CCDC146: variants seen among roughly 807,000 people sequenced by gnomAD.
The protein encoded by CCDC146 is coiled-coil domain-containing protein 146.
Under a neutral mutation model 119.3 loss-of-function variants are expected in CCDC146, and 92 were observed. That is an observed-to-expected ratio of 0.77 (90% CI 0.65 to 0.92). The LOEUF (loss-of-function observed/expected upper bound fraction) is 0.92. Among genes scored for constraint, CCDC146 ranks in the 40% least tolerant of loss-of-function variants. CCDC146 has a pLI of 0.00. For synonymous variants in CCDC146, 372 were observed against 371.8 expected, an observed-to-expected ratio of 1.00 and a Z score of -0.01; for missense variants, 1,000 against 1,103.0, an observed-to-expected ratio of 0.91 and a Z score of 1.32.
At chr7:77,141,488 C>T (rs781450162) in intron 1 of CCDC146, among the ~76,000 whole-genome samples, 4 of 152,172 alleles carry the variant, frequency 2.6e-5, no homozygotes, top group South Asian at 4.1e-4. Flanking sequence ...CTTGAGGAAT[C>T]GCCACACTGT....
At chr7:77,276,913 G>A (rs552366002) in intron 11 of CCDC146, among the ~76,000 whole-genome samples, 27 of 152,070 alleles carry the variant, frequency 1.8e-4, no homozygotes, top group Admixed American at 9.2e-4. Context: ...TCTACTAAAA[G>A]TACAAAAAAT....
intron 2 of CCDC146, among the ~76,000 whole-genome samples, chr7:77,202,438 G>A (rs1283333927): frequency 1.3e-5 from 2 of 152,172 alleles, no homozygotes; most frequent in Non-Finnish European, 2.9e-5. Flanking sequence ...ATTTTTGGCT[G>A]GTCACACCCC....
chr7:77,292,988 G>A lies in CCDC146; in HGVS notation c.2452G>A (p.Glu818Lys), dbSNP rs755164663. 1 of 1,613,902 alleles carries A rather than the reference G, an allele frequency of 6.2e-7. No homozygotes were observed. The highest frequency in any genetic ancestry group is 2.2e-5 in the East Asian group (1 of 44,854). The change falls in exon 18 of 19, where the codon GAG becomes AAG. Residue 818 changes from glutamate (E) to lysine (K), a missense_variant. By Grantham distance (56) the Glu-to-Lys change is moderately conservative (BLOSUM62 1). Around this residue, in one of 2 missense-constraint regions of CCDC146, gnomAD observed 985 missense variants for 1,045.3 expected, o/e 0.94. Coordinates refer to ENST00000285871, the MANE Select transcript of CCDC146 (RefSeq NM_020879.3). ...TCAAAGAAGGATCAAAAATGCAACT[G>A]AGAAAATGATGGCTCTTGTTGCTGA... ...GYQRRIKNAT[E>K]KMMALVAELS...
At chr7:77,271,521 TATATATATATATA>T (rs1793517383) in intron 9 of CCDC146, among the ~76,000 whole-genome samples, 28 of 18,716 alleles carry the variant, frequency 1.5e-3, no homozygotes, top group African/African-American at 5.0e-3. Flanking sequence ...GAGATATATA[TATATATATATATA>T]TATATATATA....
rs1793858183 is a variant in CCDC146 at position 77,286,880 on chromosome 7, C to T, written c.2231C>T (p.Pro744Leu). The change falls in exon 16 of 19, where the codon CCA becomes CTA. Residue 744 changes from proline (P) to leucine (L), a missense_variant. Physicochemically the swap from Pro to Leu is moderately conservative, Grantham distance 98. Coordinates refer to ENST00000285871, the MANE Select transcript of CCDC146 (RefSeq NM_020879.3). ...PDGENRARFL[P>L]GKDLTEKEMI... ...GGTGAGAATAGAGCTCGCTTCCTTC[C>T]AGGGAAAGATCTGACCGAAAAAGAA... 1.2e-6 allele frequency: 2 copies of T among 1,614,062 alleles called. No homozygotes were observed. Among genetic ancestry groups the T allele is most frequent in the Non-Finnish European group, 1.7e-6 (2 of 1,179,968 alleles).
Position 77,259,046 on chromosome 7 carries a change from G to GA in CCDC146, c.742dup (p.Ile248AsnfsTer24). On this transcript the variant is annotated frameshift_variant, in exon 7 of 19. Transcript: ENST00000285871. LOFTEE classifies it high-confidence loss of function. ...TCCAGTACAAATTGGAAAAGAGATA[G>GA]AAAAAATAACACGCAAAAAAGTGTA... 6.2e-7 allele frequency: 1 copy of GA among 1,610,236 alleles called. No individual in the cohort carries two copies. The highest frequency in any genetic ancestry group is 8.5e-7 in the Non-Finnish European group (1 of 1,177,284).
chr7:77,151,306 G>A (rs1791105596), intron 1 of CCDC146, among the ~76,000 whole-genome samples: 1 of 152,038 alleles, frequency 6.6e-6, no homozygotes, highest in Non-Finnish European at 1.5e-5. Flanking sequence ...TAAAAATTCT[G>A]TTCACAACAG....
intron 2 of CCDC146, among the ~76,000 whole-genome samples, chr7:77,210,849 G>A (rs1792168503): frequency 2.0e-5 from 3 of 152,166 alleles, no homozygotes; most frequent in African/African-American, 2.4e-5. Context: ...AGTGTGAAAG[G>A]GGAGGTGCTA....
intron 2 of CCDC146, among the ~76,000 whole-genome samples, chr7:77,201,924 A>AAT (rs1554351493): frequency 4.5e-4 from 69 of 152,188 alleles, no homozygotes; most frequent in African/African-American, 1.3e-3. Flanking sequence ...TAAAAAAAAA[A>AAT]ACCATTTTGT....
At chr7:77,188,133 T>A (rs1791701240) in intron 2 of CCDC146, among the ~76,000 whole-genome samples, 2 of 152,152 alleles carry the variant, frequency 1.3e-5, no homozygotes, top group Non-Finnish European at 2.9e-5. Flanking sequence ...ACCCCTGGAG[T>A]CTCTGTGAAT....
chr7:77,258,827 C>T (rs181870812), intron 6 of CCDC146, among the ~76,000 whole-genome samples, 168 bp from the exon 7 acceptor site: 27 of 152,336 alleles, frequency 1.8e-4, no homozygotes, highest in Non-Finnish European at 3.8e-4. Flanking sequence ...ACAAATATAG[C>T]TCTCTTACAA....
chr7:77,230,819 C>T (rs537366796), intron 2 of CCDC146, among the ~76,000 whole-genome samples: 1 of 152,156 alleles, frequency 6.6e-6, no homozygotes, highest in South Asian at 2.1e-4. Flanking sequence ...TTCTCTAGTT[C>T]TCCCATTACT....
chr7:77,141,628 G>T (rs1008176031), intron 1 of CCDC146, among the ~76,000 whole-genome samples: 1 of 152,142 alleles, frequency 6.6e-6, no homozygotes, highest in African/African-American at 2.4e-5. Context: ...ACGTGAGATG[G>T]CATCTCGTTG....
chr7:77,247,027 A>C (rs1792962573), intron 4 of CCDC146, among the ~76,000 whole-genome samples: 1 of 152,234 alleles, frequency 6.6e-6, no homozygotes, highest in African/African-American at 2.4e-5. Flanking sequence ...AAAATATTTT[A>C]ATTAAATGTT....
intron 15 of CCDC146, among the ~76,000 whole-genome samples, chr7:77,284,317 C>T (rs892979933): frequency 2.0e-5 from 3 of 152,032 alleles, no homozygotes; most frequent in African/African-American, 7.3e-5. Flanking sequence ...TGTACCACAC[C>T]CTTGCCTAGC....
At position 77,280,442 on chromosome 7, in the gene CCDC146, T is replaced by A. The variant is rs778915477; in HGVS notation, c.1708T>A (p.Ser570Thr). 6.2e-7 allele frequency: 1 copy of A among 1,609,976 alleles called. No individual in the cohort carries two copies. The highest frequency in any genetic ancestry group is 8.5e-7 in the Non-Finnish European group (1 of 1,178,646). Reference sequence around the variant, plus strand: ...TTACTTTAAAAGAAAGCTACAAAATTCCATGCTGAAACACGCCAACAATGT... The same window carrying A: ...TTACTTTAAAAGAAAGCTACAAAATACCATGCTGAAACACGCCAACAATGT... Reference protein sequence around the residue: ...AVSQERKLQNSMLKHANNVTI... With the variant: ...AVSQERKLQNTMLKHANNVTI... The change falls in exon 14 of 19, where the codon TCC (serine) becomes ACC (threonine). Residue 570 changes from serine (S) to threonine (T), a missense_variant. Transcript: ENST00000285871.
At chr7:77,288,782 G>A (rs183956588) in intron 17 of CCDC146, among the ~76,000 whole-genome samples, 6 of 152,286 alleles carry the variant, frequency 3.9e-5, no homozygotes, top group Admixed American at 2.0e-4. Context: ...AACAGATAAT[G>A]GTAATACCCA....
chr7:77,171,220 C>T (rs1310614395), intron 2 of CCDC146, among the ~76,000 whole-genome samples: 3 of 152,126 alleles, frequency 2.0e-5, no homozygotes, highest in African/African-American at 7.2e-5. Context: ...TGTTTGAAAC[C>T]CAATCATACC....
intron 2 of CCDC146, among the ~76,000 whole-genome samples, chr7:77,220,840 A>T (rs776975378): frequency 6.6e-6 from 1 of 152,180 alleles, no homozygotes; most frequent in Non-Finnish European, 1.5e-5. Context: ...GGCGGATCAC[A>T]TTGAGTTGCA....
Sources: gnomAD v4.1 joint callset for allele counts (sites outside exome capture counted in the v4.1 genomes callset) on GRCh38, gnomAD v4.1.1 for gene constraint, gnomAD v4.1.1 regional missense constraint, MANE v1.5 for transcripts, NCBI Gene and HGNC (gene_info 2026-07-23, HGNC 2026-07-21) for gene names.